Variants in SLC25A21 observed in about 807,000 individuals in gnomAD.
SLC25A21 encodes mitochondrial 2-oxodicarboxylate carrier.
A neutral mutation model predicts 43.8 loss-of-function variants in SLC25A21; 47 were observed. The observed-to-expected ratio is 1.07, with a 90% CI of 0.85 to 1.37. The LOEUF (loss-of-function observed/expected upper bound fraction) is 1.37, where lower values mean the gene tolerates loss of function less well. Ranked by LOEUF, SLC25A21 falls within the 40% of genes most tolerant of loss-of-function variation. SLC25A21 has a pLI of 0.00. For synonymous variants in SLC25A21, 131 were observed against 121.3 expected (o/e 1.08, Z -0.52); for missense variants, 352 against 350.2 (o/e 1.00, Z -0.04).
intron 2 of SLC25A21, among the ~76,000 whole-genome samples, chr14:36,821,284 G>A (rs848073): frequency 0.19 from 29,214 of 151,906 alleles, 3,090 homozygotes; most frequent in Middle Eastern, 0.25. Context: ...TGGGGACTGT[G>A]CCTTTCTCAT....
At chr14:36,771,383 T>C (rs923113425) in intron 3 of SLC25A21, among the ~76,000 whole-genome samples, 1 of 152,122 alleles carries the variant, frequency 6.6e-6, no homozygotes, top group African/African-American at 2.4e-5. Flanking sequence ...GTGGCACTTA[T>C]GAGTGCAAAG....
chr14:37,100,581 T>C (rs1315594781), intron 1 of SLC25A21, among the ~76,000 whole-genome samples: 1 of 152,248 alleles, frequency 6.6e-6, no homozygotes, highest in African/African-American at 2.4e-5. Context: ...AAATTAATTC[T>C]AGGCACTAGG....
chr14:36,944,199 G>A (rs1041844928), intron 1 of SLC25A21, among the ~76,000 whole-genome samples: 3 of 152,076 alleles, frequency 2.0e-5, no homozygotes, highest in Non-Finnish European at 1.5e-5. Flanking sequence ...GAATCCTGTC[G>A]ACACCTGGGA....
chr14:36,917,822 G>C (rs1418924105), intron 1 of SLC25A21, among the ~76,000 whole-genome samples: 1 of 152,052 alleles, frequency 6.6e-6, no homozygotes, highest in Non-Finnish European at 1.5e-5. Flanking sequence ...CAGTAGAAAA[G>C]ATTAAAAATA....
chr14:36,751,252 A>G (rs1041930415), intron 3 of SLC25A21, among the ~76,000 whole-genome samples: 2 of 152,232 alleles, frequency 1.3e-5, no homozygotes, highest in African/African-American at 4.8e-5. Context: ...CTTCTCTCTC[A>G]TTCTGCTAAG....
intron 3 of SLC25A21, among the ~76,000 whole-genome samples, chr14:36,802,559 C>T (rs921436026): frequency 6.6e-6 from 1 of 152,008 alleles, no homozygotes; most frequent in Non-Finnish European, 1.5e-5. Context: ...ATAATTTGTC[C>T]AAGGTCCCAA....
At chr14:36,936,719 T>A (rs1054176880) in intron 1 of SLC25A21, among the ~76,000 whole-genome samples, 1 of 152,216 alleles carries the variant, frequency 6.6e-6, no homozygotes, top group African/African-American at 2.4e-5. Flanking sequence ...GGGTTTTCTG[T>A]TTCAATATGA....
chr14:37,150,693 G>T (rs745684487), intron 1 of SLC25A21, among the ~76,000 whole-genome samples: 1 of 152,154 alleles, frequency 6.6e-6, no homozygotes, highest in Non-Finnish European at 1.5e-5. Context: ...CTATAGGTCT[G>T]CACAAGTACA....
chr14:36,924,546 G>A (rs1225192516), intron 1 of SLC25A21, among the ~76,000 whole-genome samples: 1 of 151,974 alleles, frequency 6.6e-6, no homozygotes, highest in African/African-American at 2.4e-5. Flanking sequence ...AGAGGGGGGA[G>A]GGATAGCATT....
intron 1 of SLC25A21, among the ~76,000 whole-genome samples, chr14:37,107,975 T>TA (rs1182054756): frequency 6.6e-6 from 1 of 152,144 alleles, no homozygotes; most frequent in Non-Finnish European, 1.5e-5. Flanking sequence ...GCATTCCTAA[T>TA]AGTGTCCAAG....
At chr14:36,983,144 T>A (rs561639981) in intron 1 of SLC25A21, among the ~76,000 whole-genome samples, 2 of 152,202 alleles carry the variant, frequency 1.3e-5, no homozygotes, top group African/African-American at 4.8e-5. Flanking sequence ...CATTTAAGAG[T>A]CTTGAATACA....
chr14:36,853,543 G>A (rs1420795101), intron 2 of SLC25A21, among the ~76,000 whole-genome samples: 2 of 152,108 alleles, frequency 1.3e-5, no homozygotes, highest in Non-Finnish European at 1.5e-5. Context: ...TACCAGCCCG[G>A]GTCATCAGCT....
intron 1 of SLC25A21, among the ~76,000 whole-genome samples, chr14:37,075,732 T>C (rs1962266317): frequency 6.6e-6 from 1 of 152,206 alleles, no homozygotes; most frequent in Admixed American, 6.5e-5. Flanking sequence ...GGATTTAAGA[T>C]ATATAGGGTG....
At chr14:37,040,433 A>AAGAAAGAAAGAAAGAAAGAG (rs1555343498) in intron 1 of SLC25A21, among the ~76,000 whole-genome samples, 17 of 104,256 alleles carry the variant, frequency 1.6e-4, no homozygotes, top group Non-Finnish European at 2.6e-4. Flanking sequence ...GAAAGAAAGA[A>AAGAAAGAAAGAAAGAAAGAG]AGAAAGAAAA....
intron 3 of SLC25A21, among the ~76,000 whole-genome samples, chr14:36,765,568 C>G (rs536515209): frequency 1.3e-5 from 2 of 152,282 alleles, no homozygotes; most frequent in East Asian, 1.9e-4. Flanking sequence ...TCATGGCTTA[C>G]TGTTGTGCTT....
At chr14:36,706,832 C>T (rs1478625313) in intron 7 of SLC25A21, among the ~76,000 whole-genome samples, 3 of 152,112 alleles carry the variant, frequency 2.0e-5, no homozygotes, top group Non-Finnish European at 2.9e-5. Flanking sequence ...GTATTGCAGT[C>T]ATTTCCATGC....
intron 1 of SLC25A21, among the ~76,000 whole-genome samples, chr14:36,940,342 T>C (rs1450797332): frequency 6.6e-6 from 1 of 152,052 alleles, no homozygotes; most frequent in Non-Finnish European, 1.5e-5. Context: ...TTCTCTAAGA[T>C]TTAAAAAAAT....
intron 1 of SLC25A21, among the ~76,000 whole-genome samples, chr14:37,039,412 C>T (rs976000373): frequency 6.6e-6 from 1 of 152,178 alleles, no homozygotes; most frequent in African/African-American, 2.4e-5. Context: ...CCCTTTAGTA[C>T]ATCCCACTCC....
chr14:36,884,902 T>G (rs1453698157), intron 1 of SLC25A21, among the ~76,000 whole-genome samples: 1 of 152,140 alleles, frequency 6.6e-6, no homozygotes, highest in Non-Finnish European at 1.5e-5. Context: ...GCAAGTATTT[T>G]CTCCGAACCC....
Sources: allele counts gnomAD v4.1 joint callset (sites outside exome capture counted in the v4.1 genomes callset), GRCh38; gene constraint gnomAD v4.1.1; transcripts MANE v1.5; gene names NCBI Gene and HGNC (gene_info 2026-07-23, HGNC 2026-07-21).